Variants in LPA observed in about 807,000 individuals in gnomAD.
LPA encodes lipoprotein(a), also known as apolipoprotein(a).
LPA carries 199 observed loss-of-function variants against 197.9 expected under a neutral mutation model. The observed-to-expected ratio is 1.01, with a 90% CI of 0.90 to 1.13. The LOEUF (loss-of-function observed/expected upper bound fraction) is 1.13, where lower values mean the gene tolerates loss of function less well. Ranked by LOEUF, LPA falls within the 50% of genes most tolerant of loss-of-function variation. LPA has a pLI of 0.00. For synonymous variants in LPA, 715 were observed against 639.5 expected (o/e 1.12, Z -1.78); for missense variants, 1,853 against 1,785.8 (o/e 1.04, Z -0.68).
At chr6:160,608,949 G>A (rs756781488) in intron 16 of LPA, among the ~76,000 whole-genome samples, 5 of 151,938 alleles carry the variant, frequency 3.3e-5, no homozygotes, top group Non-Finnish European at 5.9e-5. Context: ...ATTCAGAAAT[G>A]TCTAAATTGA....
chr6:160,655,844 G>A lies in LPA; in HGVS notation c.50-5347C>T, dbSNP rs569584636. ...GTTATATCTCGTGGAAGTGAAAAGC[G>A]AGCAAGGTCTCTCCAAATAAGATTA... is the stretch of plus-strand genomic sequence containing the variant. On this transcript the variant is annotated intron_variant, in intron 1 of 38. Transcript: ENST00000316300. 9.9e-5 allele frequency among the ~76,000 whole-genome samples: 15 copies of A among 152,266 alleles called. No homozygotes were observed. The South Asian group carries it at 2.7e-3, about 27-fold the overall frequency.
intron 28 of LPA, among the ~76,000 whole-genome samples, chr6:160,576,367 C>CATAT (rs1158223888): frequency 1.9e-4 from 15 of 78,026 alleles, no homozygotes; most frequent in Non-Finnish European, 2.8e-4. Context: ...TATATATATA[C>CATAT]ATATATATAT....
chr6:160,611,551 C>A lies in LPA; in HGVS notation c.2603+11G>T. The A allele has an allele frequency of 1.9e-6, 3 of 1,606,838 alleles. No individual in the cohort carries two copies. The highest frequency in any genetic ancestry group is 2.5e-6 in the Non-Finnish European group (3 of 1,179,052). ...CCCTTTATTCTCTTATGGTAAAGAA[C>A]AAAGACATACGCATTTGGGTAGTAT... On this transcript the variant is annotated intron_variant, in intron 16 of 38. Coordinates refer to ENST00000316300, the MANE Select transcript of LPA (RefSeq NM_005577.4).
At position 160,576,399 on chromosome 6, in the gene LPA, T is replaced by C. The variant is rs1372035298; in HGVS notation, c.4631+737A>G. 9.9e-3 allele frequency among the ~76,000 whole-genome samples: 553 copies of C among 56,046 alleles called. 9 individuals are homozygous for C. Among genetic ancestry groups the C allele is most frequent in the African/African-American group, 0.057 (520 of 9,092 alleles). The allele number at this position is 56,046 out of a possible 152,430, so 36.8% of individuals were successfully genotyped here. On this transcript the variant is annotated intron_variant, in intron 28 of 38. Coordinates refer to ENST00000316300, the MANE Select transcript of LPA (RefSeq NM_005577.4). ...ATATATATATATATATGTATATATA[T>C]ATATATATATATATATGGGTATATA...
intron 28 of LPA, among the ~76,000 whole-genome samples, chr6:160,559,369 A>G (rs73784287): frequency 0.11 from 16,452 of 152,286 alleles, 1,031 homozygotes; most frequent in Non-Finnish European, 0.15. Context: ...GCTGAATAGT[A>G]TTCAAGTGTA....
intron 16 of LPA, among the ~76,000 whole-genome samples, chr6:160,611,174 C>A (rs1251426105): frequency 6.6e-6 from 1 of 152,102 alleles, no homozygotes; most frequent in Admixed American, 6.5e-5. Flanking sequence ...CTCATGAGCC[C>A]AGACAGAAAA....
Position 160,596,401 on chromosome 6 carries a change from T to A in LPA, c.3288-866A>T, listed in dbSNP as rs183489445. On this transcript the variant is annotated intron_variant, in intron 20 of 38. Transcript: ENST00000316300. ...TCCTTGGCTCTTATTTGCTTTTTTT[T>A]TTTTTCTTGTGTAGATATTTAAGCT... Among the ~76,000 whole-genome samples the A allele has an allele frequency of 1.4e-4, 21 of 152,256 alleles. 2 individuals carry two copies. In the East Asian group the frequency reaches 4.0e-3, roughly 29 times the overall value.
At chr6:160,654,578 CAAT>C (rs1780099333) in intron 1 of LPA, among the ~76,000 whole-genome samples, 1 of 152,062 alleles carries the variant, frequency 6.6e-6, no homozygotes, top group Admixed American at 6.6e-5. Context: ...CAAATAAAGA[CAAT>C]AATAAGGTCA....
chr6:160,611,049 C>A (rs1779496645), intron 16 of LPA, among the ~76,000 whole-genome samples: 1 of 152,084 alleles, frequency 6.6e-6, no homozygotes, highest in Admixed American at 6.5e-5. Flanking sequence ...TGCTGGGAAC[C>A]TCTATCCTTT....
intron 7 of LPA, among the ~76,000 whole-genome samples, 170 bp from the exon 8 acceptor site, chr6:160,634,082 T>C (rs139659585): frequency 0.35 from 44,244 of 125,908 alleles, 11,777 homozygotes; most frequent in African/African-American, 0.46. Flanking sequence ...ACAGCAAACC[T>C]ACAGATTCCT....
At chr6:160,609,389 G>A (rs370331973) in intron 16 of LPA, among the ~76,000 whole-genome samples, 3 of 152,070 alleles carry the variant, frequency 2.0e-5, no homozygotes, top group South Asian at 4.2e-4. Flanking sequence ...TGAGGTGAAC[G>A]CATTAGCAAT....
At chr6:160,547,760 G>A (rs1778095803) in intron 32 of LPA, 29 bp downstream of exon 32, 5 of 1,613,750 alleles carry the variant, frequency 3.1e-6, no homozygotes, top group Non-Finnish European at 8.5e-7. Flanking sequence ...TCAGCAAAGG[G>A]AAAAAGAGTC....
chr6:160,565,732 G>C (rs548510911), intron 28 of LPA, among the ~76,000 whole-genome samples: 1 of 152,128 alleles, frequency 6.6e-6, no homozygotes, highest in Non-Finnish European at 1.5e-5. Flanking sequence ...AAATTTCTCC[G>C]AGCTAAAGAA....
chr6:160,542,786 C>T lies in LPA; in HGVS notation c.5421G>A (p.Gly1807=). 1.2e-6 allele frequency: 2 copies of T among 1,614,050 alleles called. No homozygotes were observed. The highest frequency in any genetic ancestry group is 1.7e-6 in the Non-Finnish European group (2 of 1,179,978). Residue 1807 remains glycine, a synonymous_variant, in exon 34 of 39, where the codon GGG becomes GGA. Transcript: ENST00000316300. ...PLCASSSFDC[G]KPQVEPKKCP... Reference sequence around the variant, plus strand: ...ATTTCTTCGGCTCCACTTGAGGCTTCCCACAATCAAATGAAGAGGATGCTG... The same window carrying T: ...ATTTCTTCGGCTCCACTTGAGGCTTTCCACAATCAAATGAAGAGGATGCTG...
Position 160,605,069 on chromosome 6 carries a change from C to A in LPA, c.2922G>T (p.Arg974=). ...ACGCATTTGGGTAGTATGCTGGGGT[C>A]CGACTATGCGAGTGTGGTGTCATAG... The part of the protein sequence containing the change: ...WSSMTPHSHS[R]TPAYYPNAGL... Residue 974 remains arginine, a synonymous_variant, in exon 18 of 39, where the codon CGG becomes CGT. Transcript: ENST00000316300. 2.5e-6 allele frequency: 4 copies of A among 1,613,784 alleles called. No homozygotes were observed. The South Asian group carries it at 4.4e-5, about 18-fold the overall frequency.
intron 24 of LPA, among the ~76,000 whole-genome samples, chr6:160,587,731 T>A (rs2115040648): frequency 6.6e-6 from 1 of 151,520 alleles, no homozygotes; most frequent in South Asian, 2.1e-4. Context: ...TGAGGCTCTG[T>A]TGATTAATAG....
intron 24 of LPA, among the ~76,000 whole-genome samples, chr6:160,589,334 C>T (rs1778976963): frequency 6.6e-6 from 1 of 152,178 alleles, no homozygotes; most frequent in Non-Finnish European, 1.5e-5. Context: ...TCACCACCTC[C>T]AAGTATCCTC....
At chr6:160,605,363 A>T (rs145456396) in intron 17 of LPA, among the ~76,000 whole-genome samples, 158 bp from the exon 18 acceptor site, 1 of 152,342 alleles carries the variant, frequency 6.6e-6, no homozygotes, top group Non-Finnish European at 1.5e-5. Context: ...AGGCAGATGG[A>T]CTTGAGAAAA....
At chr6:160,532,179 T>C (rs534845324) in intron 38 of LPA, among the ~76,000 whole-genome samples, 2 of 147,052 alleles carry the variant, frequency 1.4e-5, no homozygotes, top group East Asian at 1.9e-4. Flanking sequence ...CTGGACATCA[T>C]TGTTAAGTGT....
Sources: gnomAD v4.1 joint callset for allele counts (sites outside exome capture counted in the v4.1 genomes callset) on GRCh38, gnomAD v4.1.1 for gene constraint, MANE v1.5 for transcripts, NCBI Gene and HGNC (gene_info 2026-07-23, HGNC 2026-07-21) for gene names.